TSNARE1: variants seen among roughly 807,000 people sequenced by gnomAD.
The protein encoded by TSNARE1 is t-SNARE domain containing 1, also known as t-SNARE domain-containing protein 1.
A neutral mutation model predicts 62.0 loss-of-function variants in TSNARE1; 49 were observed. The observed-to-expected ratio is 0.79, with a 90% confidence interval of 0.63 to 1.00. TSNARE1 has a LOEUF of 1.00. Ranked by LOEUF, TSNARE1 falls within the 50% of genes least tolerant of loss-of-function variation. The pLI, the probability that TSNARE1 is intolerant of heterozygous loss-of-function variation, is 0.00. For synonymous variants in TSNARE1, 328 were observed against 294.4 expected (o/e 1.11, Z -1.17); for missense variants, 755 against 700.1 (o/e 1.08, Z -0.88).
intron 13 of TSNARE1, among the ~76,000 whole-genome samples, chr8:142,222,187 C>A (rs1425522606): frequency 1.1e-5 from 1 of 87,954 alleles, no homozygotes; most frequent in Non-Finnish European, 2.3e-5. Flanking sequence ...CTCATCCACT[C>A]ACTCATTCAC....
chr8:142,381,649 C>A (rs528438880), intron 1 of TSNARE1, among the ~76,000 whole-genome samples: 57 of 152,164 alleles, frequency 3.7e-4, no homozygotes, highest in Non-Finnish European at 7.1e-4. Flanking sequence ...CCCAGGGGAG[C>A]CACACACCTA....
chr8:142,379,824 C>T (rs1000720171), intron 1 of TSNARE1, among the ~76,000 whole-genome samples: 2 of 152,180 alleles, frequency 1.3e-5, no homozygotes, highest in African/African-American at 4.8e-5. Context: ...CCAGGGGATG[C>T]CCCAGTGCCA....
chr8:142,213,445 CA>C (rs1399165663), intron 13 of TSNARE1, among the ~76,000 whole-genome samples: 15 of 151,162 alleles, frequency 9.9e-5, no homozygotes, highest in Admixed American at 2.6e-4. Context: ...TTTTTTGCAG[CA>C]AGCATGTATC....
intron 10 of TSNARE1, among the ~76,000 whole-genome samples, chr8:142,295,104 T>C (rs1272629933): frequency 2.0e-5 from 3 of 151,972 alleles, no homozygotes; most frequent in Non-Finnish European, 4.4e-5. Context: ...GGGGAGTGAG[T>C]ACACAGTGGA....
intron 10 of TSNARE1, among the ~76,000 whole-genome samples, chr8:142,288,615 C>G (rs1427963553): frequency 6.6e-6 from 1 of 152,246 alleles, no homozygotes; most frequent in Admixed American, 6.5e-5. Context: ...ACTCGCGGAG[C>G]CACCTGCTAT....
At chr8:142,366,675 TTAATA>T (rs1314144397) in intron 1 of TSNARE1, among the ~76,000 whole-genome samples, 1 of 152,132 alleles carries the variant, frequency 6.6e-6, no homozygotes, top group Non-Finnish European at 1.5e-5. Flanking sequence ...AGCACCTTAT[TTAATA>T]AATCACACTA....
At chr8:142,403,589 G>GTC (rs1292652128), upstream of TSNARE1, 3 of 152,204 alleles carry the variant, frequency 2.0e-5, no homozygotes, top group Non-Finnish European at 4.4e-5. Context: ...GCACCTGCGC[G>GTC]TCTCGCGCTG....
rs971403722 is a variant in TSNARE1 at position 142,319,904 on chromosome 8, C to CGG, written c.894-1272_894-1271dup. 6.6e-6 allele frequency among the ~76,000 whole-genome samples: 1 copy of CGG among 152,180 alleles called. No homozygotes were observed. Among genetic ancestry groups the CGG allele is most frequent in the Non-Finnish European group, 1.5e-5 (1 of 68,010 alleles). On this transcript the variant is annotated intron_variant, in intron 6 of 13. Coordinates refer to ENST00000524325, the MANE Select transcript of TSNARE1 (RefSeq NM_145003.5). This position sits in a 1 kb window ranked among gnomAD's most constrained non-coding sequence, Gnocchi z 4.9. ...GCGCGGGGACAGGAGCTTTCTTCCC[C>CGG]GGGGCCTTGGTCAGGGCCGCCTCCT...
rs747611175 is a variant in TSNARE1, at chr8:142,354,746, A to G, written c.-22T>C. ...ACATCTTCTTACAGATGGCAGGGCC[A>G]GCAGCCTCCACACTGAGCTGGAGGA... On this transcript the variant is annotated 5_prime_UTR_variant, in exon 2 of 14. Transcript: ENST00000524325. 5.1e-5 allele frequency: 81 copies of G among 1,593,422 alleles called. No individual in the cohort carries two copies. Among genetic ancestry groups the G allele is most frequent in the Non-Finnish European group, 6.8e-5 (79 of 1,162,134 alleles).
chr8:142,333,153 C>A (rs1831292297), intron 4 of TSNARE1, among the ~76,000 whole-genome samples: 1 of 152,210 alleles, frequency 6.6e-6, no homozygotes, highest in African/African-American at 2.4e-5. Context: ...CTGGACAGAG[C>A]TGTGGGTTAC....
Position 142,274,057 on chromosome 8 carries a change from G to A in TSNARE1, c.1446+724C>T, listed in dbSNP as rs139016302. 3.3e-3 allele frequency: 3,246 copies of A among 985,216 alleles called. 77 individuals are homozygous for A. The African/African-American group carries it at 0.052, about 16-fold the overall frequency. The allele number at this position is 985,216 out of a possible 1,614,324, so 61.0% of individuals were successfully genotyped here. On this transcript the variant is annotated intron_variant, in intron 12 of 13. Transcript: ENST00000524325. ...CAGGGGCTTCTTCTGCGCTCCCACCGTGGCCCATGCCACCCTCACCTTGCT... is the reference window on the plus strand; with the variant it reads ...CAGGGGCTTCTTCTGCGCTCCCACCATGGCCCATGCCACCCTCACCTTGCT...
Position 142,284,791 on chromosome 8 carries a change from C to T in TSNARE1, c.1291-306G>A, listed in dbSNP as rs1242822254. On this transcript the variant is annotated intron_variant, in intron 10 of 13. Coordinates refer to ENST00000524325, the MANE Select transcript of TSNARE1 (RefSeq NM_145003.5). Reference sequence around the variant, plus strand: ...CTCCAGGTGTCCTAGGGGCTGTGAGCTGCTTCCCTGAGTACAGAGGTCCCA... The same window carrying T: ...CTCCAGGTGTCCTAGGGGCTGTGAGTTGCTTCCCTGAGTACAGAGGTCCCA... Among the ~76,000 whole-genome samples the T allele has an allele frequency of 3.3e-5, 5 of 152,328 alleles. No homozygotes were observed. The East Asian group carries it at 9.7e-4, about 29-fold the overall frequency.
chr8:142,403,691 G>A (rs1363085367), upstream of TSNARE1: 1 of 152,240 alleles, frequency 6.6e-6, no homozygotes, highest in Non-Finnish European at 1.5e-5. Flanking sequence ...GGGGACTCCG[G>A]ACTCCCAGTG....
chr8:142,267,053 T>G (rs1444293221), intron 12 of TSNARE1, among the ~76,000 whole-genome samples: 1 of 152,252 alleles, frequency 6.6e-6, no homozygotes, highest in South Asian at 2.1e-4. Flanking sequence ...TTTTGTGATT[T>G]CATCTTTTTA....
Position 142,233,250 on chromosome 8 carries a change from C to T in TSNARE1, c.1447-3671G>A, listed in dbSNP as rs1452829973. On this transcript the variant is annotated intron_variant, in intron 12 of 13. Coordinates refer to ENST00000524325, the MANE Select transcript of TSNARE1 (RefSeq NM_145003.5). The stretch of plus-strand genomic sequence containing the variant: ...GGATGGGCAGGACAGGCCCGTGAGG[C>T]ACGAAGAGCTGGCACAGCTTTCCTG... 4.6e-5 allele frequency among the ~76,000 whole-genome samples: 7 copies of T among 152,342 alleles called. No individual in the cohort carries two copies. In the East Asian group the frequency reaches 1.4e-3, roughly 29 times the overall value.
At chr8:142,225,249 C>T (rs1471563303) in intron 13 of TSNARE1, among the ~76,000 whole-genome samples, 1 of 151,984 alleles carries the variant, frequency 6.6e-6, no homozygotes, top group Non-Finnish European at 1.5e-5. Flanking sequence ...ATACTCCACA[C>T]TCTGAATCTC....
At position 142,346,721 on chromosome 8, in the gene TSNARE1, G is replaced by A. The variant is rs560510577; in HGVS notation, c.89-829C>T. On this transcript the variant is annotated intron_variant, in intron 2 of 13. Coordinates refer to ENST00000524325, the MANE Select transcript of TSNARE1 (RefSeq NM_145003.5). ...GGAAGCGCTTTCCAGCCACATCCGC[G>A]GCCTCCAGGGCCAGGTCGGCACAGT... 7.2e-5 allele frequency among the ~76,000 whole-genome samples: 11 copies of A among 152,316 alleles called. No individual in the cohort carries two copies. In the South Asian group the frequency reaches 8.3e-4, roughly 11 times the overall value.
At chr8:142,246,274 G>C (rs946713426) in intron 12 of TSNARE1, among the ~76,000 whole-genome samples, 4 of 152,294 alleles carry the variant, frequency 2.6e-5, no homozygotes, top group African/African-American at 9.6e-5. Flanking sequence ...TGGCAGGGCT[G>C]GGCTGAGGGT....
chr8:142,232,234 C>G (rs552507772), intron 12 of TSNARE1, among the ~76,000 whole-genome samples: 1 of 152,362 alleles, frequency 6.6e-6, no homozygotes, highest in African/African-American at 2.4e-5. Context: ...GCTGGAAGCA[C>G]TCCCCTGGGC....
Sources: gnomAD v4.1 joint callset for allele counts (sites outside exome capture counted in the v4.1 genomes callset) on GRCh38, gnomAD v4.1.1 for gene constraint, Gnocchi (gnomAD v3.1) non-coding constraint, MANE v1.5 for transcripts, NCBI Gene and HGNC (gene_info 2026-07-23, HGNC 2026-07-21) for gene names.